The following MAP2K5 variants were observed in gnomAD, a reference collection of about 807,000 sequenced individuals.
MAP2K5 encodes the protein dual specificity mitogen-activated protein kinase kinase 5.
Under a neutral mutation model 83.1 loss-of-function variants are expected in MAP2K5, and 49 were observed. The observed-to-expected ratio is 0.59, with a 90% CI of 0.47 to 0.75. The LOEUF is 0.75. Ranked by LOEUF, MAP2K5 falls within the 30% of genes least tolerant of loss-of-function variation. The pLI is 0.00. For missense variants in MAP2K5, 457 were observed against 557.5 expected (o/e 0.82, Z 1.82); for synonymous variants, 202 against 191.8 (o/e 1.05, Z -0.44).
intron 8 of MAP2K5, among the ~76,000 whole-genome samples, chr15:67,621,757 GTAGT>G (rs1319403692): frequency 5.3e-5 from 8 of 152,200 alleles, no homozygotes; most frequent in Non-Finnish European, 1.0e-4. Flanking sequence ...TGTGCCTGAT[GTAGT>G]TTTAGGCACT....
chr15:67,629,739 T>A (rs1370075829), intron 8 of MAP2K5, among the ~76,000 whole-genome samples: 3 of 152,180 alleles, frequency 2.0e-5, no homozygotes, highest in Non-Finnish European at 2.9e-5. Context: ...AGCTAGTGTA[T>A]AAAATCCTCT....
At chr15:67,743,897 G>T (rs1171041860) in intron 17 of MAP2K5, among the ~76,000 whole-genome samples, 1 of 152,174 alleles carries the variant, frequency 6.6e-6, no homozygotes, top group African/African-American at 2.4e-5. Flanking sequence ...AAGGGAGGGG[G>T]CTTCTGGGGA....
intron 21 of MAP2K5, among the ~76,000 whole-genome samples, chr15:67,773,596 C>T (rs1280575739): frequency 6.6e-6 from 1 of 152,240 alleles, no homozygotes; most frequent in Non-Finnish European, 1.5e-5. Flanking sequence ...AGTGCCCCAA[C>T]TTCTTTATAA....
chr15:67,629,560 GTTTTA>G (rs1364776936), intron 8 of MAP2K5, among the ~76,000 whole-genome samples: 1 of 151,984 alleles, frequency 6.6e-6, no homozygotes, highest in East Asian at 1.9e-4. Context: ...GTAAATTTTG[GTTTTA>G]TTTTTGTTTT....
rs1436591606 is a variant in MAP2K5 at position 67,758,322 on chromosome 15, G to T, written c.1134+9721G>T. 6.6e-6 allele frequency among the ~76,000 whole-genome samples: 1 copy of T among 152,130 alleles called. No individual in the cohort carries two copies. The highest frequency in any genetic ancestry group is 2.4e-5 in the African/African-American group (1 of 41,402). On this transcript the variant is annotated intron_variant, in intron 19 of 21. Transcript: ENST00000178640. This position sits in a 1 kb window ranked among gnomAD's most constrained non-coding sequence, Gnocchi z 4.7. ...AGGGTAGGGAGGTAGGGTCAGGGAT[G>T]AATCTCAGGGCTTGGGCAGTCAGGT... is the stretch of plus-strand genomic sequence containing the variant.
chr15:67,625,585 T>C (rs899054244), intron 8 of MAP2K5, among the ~76,000 whole-genome samples: 5 of 152,224 alleles, frequency 3.3e-5, no homozygotes, highest in African/African-American at 1.2e-4. Flanking sequence ...GTCAAGACAA[T>C]TGAGATGTAG....
chr15:67,543,401 G>T lies in MAP2K5; in HGVS notation c.66G>T (p.Lys22Asn), dbSNP rs1253760467. 1.2e-6 allele frequency: 2 copies of T among 1,614,158 alleles called. No homozygotes were observed. The highest frequency in any genetic ancestry group is 1.6e-4 in the Middle Eastern group (1 of 6,062). The change falls in exon 1 of 22, where the codon AAG becomes AAT. Residue 22 changes from lysine to asparagine, a missense_variant. This residue lies in a region of MAP2K5 where 234 missense variants were observed against 243.6 expected (regional missense o/e 0.96). Coordinates refer to ENST00000178640, the MANE Select transcript of MAP2K5 (RefSeq NM_145160.3). This position sits in a 1 kb window ranked among gnomAD's most constrained non-coding sequence, Gnocchi z 4.3. ...ACCAGGTGCTGGTAATTCGCATCAAGATCCCAAATAGTGGCGCGGTGGACT... is the reference window on the plus strand; with the variant it reads ...ACCAGGTGCTGGTAATTCGCATCAATATCCCAAATAGTGGCGCGGTGGACT... Reference protein sequence around the residue: ...MENQVLVIRIKIPNSGAVDWT... With the variant: ...MENQVLVIRINIPNSGAVDWT...
rs62016182 is a variant in MAP2K5 at position 67,637,642 on chromosome 15, G to A, written c.585+6715G>A. Among the ~76,000 whole-genome samples the A allele has an allele frequency of 0.15, 23,239 of 151,982 alleles. 2,282 individuals carry two copies. The highest frequency in any genetic ancestry group is 0.27 in the African/African-American group (11,366 of 41,414). The stretch of plus-strand genomic sequence containing the variant: ...CAGCTGAAGACTCCAGGACCCCCTC[G>A]GCAGACCTCTGGAGCTCTCTCCCTC... On this transcript the variant is annotated intron_variant, in intron 9 of 21. Coordinates refer to ENST00000178640, the MANE Select transcript of MAP2K5 (RefSeq NM_145160.3). This position sits in a 1 kb window ranked among gnomAD's most constrained non-coding sequence, Gnocchi z 4.5.
rs890919188 is a variant in MAP2K5 at position 67,785,652 on chromosome 15, G to A, written c.1242+12900G>A. ...CACAGGTGCTGGAGGTGTGGAGGCAGCAGGGGACCTGGCATGGAGCCATGA... is the reference window on the plus strand; with the variant it reads ...CACAGGTGCTGGAGGTGTGGAGGCAACAGGGGACCTGGCATGGAGCCATGA... On this transcript the variant is annotated intron_variant, in intron 21 of 21. Coordinates refer to ENST00000178640, the MANE Select transcript of MAP2K5 (RefSeq NM_145160.3). This position sits in a 1 kb window ranked among gnomAD's most constrained non-coding sequence, Gnocchi z 4.4. Among the ~76,000 whole-genome samples the A allele has an allele frequency of 6.6e-6, 1 of 152,202 alleles. No individual in the cohort carries two copies. The highest frequency in any genetic ancestry group is 1.5e-5 in the Non-Finnish European group (1 of 68,038).
At chr15:67,627,614 AC>A (rs2086357360) in intron 8 of MAP2K5, among the ~76,000 whole-genome samples, 1 of 152,214 alleles carries the variant, frequency 6.6e-6, no homozygotes, top group Non-Finnish European at 1.5e-5. Flanking sequence ...TATTACAAAT[AC>A]CTATATGCTC....
At chr15:67,551,925 C>T (rs1201723000) in intron 2 of MAP2K5, among the ~76,000 whole-genome samples, 2 of 152,098 alleles carry the variant, frequency 1.3e-5, no homozygotes, top group Non-Finnish European at 2.9e-5. Context: ...ACAAATAATG[C>T]ATATAGTATG....
At chr15:67,700,740 G>T (rs539413433) in intron 15 of MAP2K5, among the ~76,000 whole-genome samples, 2 of 152,040 alleles carry the variant, frequency 1.3e-5, no homozygotes, top group Non-Finnish European at 2.9e-5. Context: ...GGATAGACAC[G>T]TGGAGCTTGC....
chr15:67,728,694 A>G (rs1311456225), intron 17 of MAP2K5, among the ~76,000 whole-genome samples: 1 of 152,234 alleles, frequency 6.6e-6, no homozygotes, highest in African/African-American at 2.4e-5. Context: ...CAAAGTGCCT[A>G]GAGGCATGTC....
At chr15:67,610,867 A>ATTTCCTTACAAGG (rs2085904665) in intron 8 of MAP2K5, among the ~76,000 whole-genome samples, 1 of 152,212 alleles carries the variant, frequency 6.6e-6, no homozygotes, top group Admixed American at 6.5e-5. Context: ...TGACCCTAAA[A>ATTTCCTTACAAGG]TTTCCTTACT....
At chr15:67,789,409 T>C (rs1029211330) in intron 21 of MAP2K5, among the ~76,000 whole-genome samples, 4 of 152,212 alleles carry the variant, frequency 2.6e-5, no homozygotes, top group African/African-American at 9.6e-5. Flanking sequence ...TTTGCCAACC[T>C]AATCAGTGGC....
At chr15:67,549,283 T>C (rs2084461012) in intron 1 of MAP2K5, 1 of 1,276,748 alleles carries the variant, frequency 7.8e-7, no homozygotes. Context: ...TATAGATTTA[T>C]TTAAGCATTG....
rs558249785 is a variant in MAP2K5, at chr15:67,632,989, A to G, written c.585+2062A>G. On this transcript the variant is annotated intron_variant, in intron 9 of 21. Coordinates refer to ENST00000178640, the MANE Select transcript of MAP2K5 (RefSeq NM_145160.3). Reference sequence around the variant, plus strand: ...ATTTTCTTTGACAGTTCAGCCATTTAGGGTCCATAGAATTGTAGAACTGGA... The same window carrying G: ...ATTTTCTTTGACAGTTCAGCCATTTGGGGTCCATAGAATTGTAGAACTGGA... 1.1e-4 allele frequency among the ~76,000 whole-genome samples: 16 copies of G among 152,318 alleles called. No homozygotes were observed. In the East Asian group the frequency reaches 2.7e-3, roughly 26 times the overall value.
In MAP2K5 at chr15:67,783,605, G is replaced by A. The variant is rs931794913; in HGVS notation, c.1242+10853G>A. 6.6e-6 allele frequency among the ~76,000 whole-genome samples: 1 copy of A among 152,130 alleles called. No homozygotes were observed. The highest frequency in any genetic ancestry group is 1.5e-5 in the Non-Finnish European group (1 of 68,030). On this transcript the variant is annotated intron_variant, in intron 21 of 21. Coordinates refer to ENST00000178640, the MANE Select transcript of MAP2K5 (RefSeq NM_145160.3). This position sits in a 1 kb window ranked among gnomAD's most constrained non-coding sequence, Gnocchi z 5.1. ...GTCACGCTTTGTGGCAGTAACTTGT[G>A]GTAACAGTCAATAAAAGAGACCACA...
intron 21 of MAP2K5, among the ~76,000 whole-genome samples, chr15:67,796,367 A>G (rs1318839547): frequency 6.6e-6 from 1 of 152,228 alleles, no homozygotes; most frequent in Non-Finnish European, 1.5e-5. Flanking sequence ...TACAGGAAGC[A>G]TGGCTCAGGG....
Sources: allele counts gnomAD v4.1 joint callset (sites outside exome capture counted in the v4.1 genomes callset), GRCh38; gene constraint gnomAD v4.1.1; regional missense constraint gnomAD v4.1.1; non-coding constraint Gnocchi (gnomAD v3.1); transcripts MANE v1.5; gene names NCBI Gene and HGNC (gene_info 2026-07-23, HGNC 2026-07-21).